The following CPED1 variants were observed in gnomAD, a reference collection of about 807,000 sequenced individuals.
The protein encoded by CPED1 is cadherin-like and PC-esterase domain-containing protein 1.
Under a neutral mutation model 128.2 loss-of-function variants are expected in CPED1, and 114 were observed. The ratio of observed to expected loss-of-function variants is 0.89; its 90% CI spans 0.76 to 1.04. The LOEUF (loss-of-function observed/expected upper bound fraction) is 1.04, where lower values mean the gene tolerates loss of function less well. Among genes scored for constraint, CPED1 ranks in the 50% least tolerant of loss-of-function variants. CPED1 has a pLI of 0.00. For synonymous variants in CPED1, 462 were observed against 426.7 expected (o/e 1.08, Z -1.02); for missense variants, 1,211 against 1,207.1 (o/e 1.00, Z -0.05).
At chr7:121,006,665 C>A (rs1397459218) in intron 2 of CPED1, among the ~76,000 whole-genome samples, 6 of 152,044 alleles carry the variant, frequency 3.9e-5, no homozygotes, top group Non-Finnish European at 7.4e-5. Flanking sequence ...CAAGTTCTAT[C>A]TTATTTTCAA....
Position 121,054,107 on chromosome 7 carries a change from C to T in CPED1, c.540+7114C>T, listed in dbSNP as rs116887493. On this transcript the variant is annotated intron_variant, in intron 4 of 22. Transcript: ENST00000310396. ...ATATTTAAAAACAAAGATCTGGGTA[C>T]TAGGTGTGCCCATTGCTACTAGGGT... Among the ~76,000 whole-genome samples, 12 of 152,312 alleles carry T rather than the reference C, an allele frequency of 7.9e-5. No individual in the cohort carries two copies. In the East Asian group the frequency reaches 2.3e-3, roughly 29 times the overall value.
intron 2 of CPED1, among the ~76,000 whole-genome samples, chr7:121,012,846 T>G (rs1047935320): frequency 2.0e-5 from 3 of 152,224 alleles, no homozygotes; most frequent in African/African-American, 7.2e-5. Context: ...TAATTAAACT[T>G]TATTTAGAAT....
intron 5 of CPED1, among the ~76,000 whole-genome samples, chr7:121,070,914 A>G (rs190811025): frequency 1.4e-3 from 218 of 152,270 alleles, no homozygotes; most frequent in African/African-American, 4.8e-3. Context: ...GGACTGAAAC[A>G]GTACAGCCTA....
intron 14 of CPED1, among the ~76,000 whole-genome samples, chr7:121,137,851 A>T (rs1440881530): frequency 6.6e-6 from 1 of 151,998 alleles, no homozygotes; most frequent in African/African-American, 2.4e-5. Flanking sequence ...TTGAGGGTCC[A>T]CTCTGTGCCA....
chr7:121,225,341 C>A (rs1797980232), intron 16 of CPED1, among the ~76,000 whole-genome samples: 1 of 152,164 alleles, frequency 6.6e-6, no homozygotes, highest in African/African-American at 2.4e-5. Context: ...GCCGAGAGAT[C>A]CACTGTTAGT....
At chr7:121,173,331 T>A (rs1433821273) in intron 16 of CPED1, among the ~76,000 whole-genome samples, 1 of 152,134 alleles carries the variant, frequency 6.6e-6, no homozygotes, top group Non-Finnish European at 1.5e-5. Flanking sequence ...GGATTTGTTA[T>A]ACAGATTATT....
At chr7:121,272,966 C>T (rs1300302475) in intron 22 of CPED1, among the ~76,000 whole-genome samples, 1 of 152,064 alleles carries the variant, frequency 6.6e-6, no homozygotes, top group Admixed American at 6.6e-5. Flanking sequence ...GGATTTTGTC[C>T]ATACTTTTGA....
intron 18 of CPED1, among the ~76,000 whole-genome samples, chr7:121,253,075 A>G (rs543652954): frequency 3.9e-5 from 6 of 152,202 alleles, no homozygotes; most frequent in Non-Finnish European, 7.4e-5. Context: ...ATGTCCAACA[A>G]TGATAGACTG....
chr7:121,011,151 A>C (rs567931908), intron 2 of CPED1, among the ~76,000 whole-genome samples: 4 of 152,256 alleles, frequency 2.6e-5, no homozygotes, highest in East Asian at 1.9e-4. Flanking sequence ...GAACATCAAA[A>C]GATGTCATAA....
chr7:121,049,671 G>T (rs1020489021), intron 4 of CPED1, among the ~76,000 whole-genome samples: 1 of 152,214 alleles, frequency 6.6e-6, no homozygotes, highest in African/African-American at 2.4e-5. Context: ...CTAACTGGGT[G>T]TCATGCTGCA....
chr7:121,068,451 T>A (rs1263075686), intron 5 of CPED1, among the ~76,000 whole-genome samples: 1 of 151,936 alleles, frequency 6.6e-6, no homozygotes, highest in Non-Finnish European at 1.5e-5. Flanking sequence ...TTCTGAGGGC[T>A]CTGTTCTGTT....
intron 22 of CPED1, among the ~76,000 whole-genome samples, chr7:121,282,422 T>A (rs1392937837): frequency 6.6e-6 from 1 of 152,160 alleles, no homozygotes. Context: ...AGGACCCAAA[T>A]GGGCACATTT....
In CPED1 at chr7:121,086,263, T is replaced by C. The variant is rs114734136; in HGVS notation, c.617-11436T>C. On this transcript the variant is annotated intron_variant, in intron 5 of 22. Transcript: ENST00000310396. Reference sequence around the variant, plus strand: ...CAAAGATACCACCCACAAAATGATATCTAAATTTTTCCAATTACGTGATTT... The same window carrying C: ...CAAAGATACCACCCACAAAATGATACCTAAATTTTTCCAATTACGTGATTT... Among the ~76,000 whole-genome samples, 275 of 152,316 alleles carry C rather than the reference T, an allele frequency of 1.8e-3. 1 individual carries two copies. The highest frequency in any genetic ancestry group is 6.2e-3 in the African/African-American group (257 of 41,564).
chr7:121,134,454 G>A (rs1344934392), intron 13 of CPED1, among the ~76,000 whole-genome samples: 1 of 152,032 alleles, frequency 6.6e-6, no homozygotes, highest in African/African-American at 2.4e-5. Flanking sequence ...AGAGGCCAGG[G>A]AGGGTAGGAA....
chr7:121,022,594 G>A (rs1341320214), intron 3 of CPED1, among the ~76,000 whole-genome samples: 4 of 151,826 alleles, frequency 2.6e-5, no homozygotes, highest in Admixed American at 6.6e-5. Context: ...AAGCAGAAAT[G>A]CCAGGTCAGG....
chr7:121,237,278 C>G (rs1447739090), intron 17 of CPED1, among the ~76,000 whole-genome samples: 1 of 152,124 alleles, frequency 6.6e-6, no homozygotes, highest in African/African-American at 2.4e-5. Context: ...TATACTAATT[C>G]ATTTGGCACC....
rs145771284 is a variant in CPED1, at chr7:121,276,311, T to C, written c.2868+4881T>C. ...CTTTTGCTTATCTTTCTCCAGCCCT[T>C]TCACGACCCTTAACCAGCCAGTTAC... is the stretch of plus-strand genomic sequence containing the variant. On this transcript the variant is annotated intron_variant, in intron 22 of 22. Transcript: ENST00000310396. 9.6e-4 allele frequency among the ~76,000 whole-genome samples: 146 copies of C among 152,232 alleles called. 1 individual carries two copies. The highest frequency in any genetic ancestry group is 3.4e-3 in the African/African-American group (140 of 41,570).
At chr7:121,208,009 A>G (rs769011491) in intron 16 of CPED1, among the ~76,000 whole-genome samples, 5 of 151,886 alleles carry the variant, frequency 3.3e-5, no homozygotes, top group Non-Finnish European at 5.9e-5. Flanking sequence ...AACAATTACA[A>G]TAGCCTCCTA....
chr7:121,006,489 A>G (rs1792019144), intron 2 of CPED1, among the ~76,000 whole-genome samples: 1 of 152,080 alleles, frequency 6.6e-6, no homozygotes, highest in Non-Finnish European at 1.5e-5. Flanking sequence ...GAAAGACAGG[A>G]CAGGGATAGG....
Sources: allele counts gnomAD v4.1 joint callset (sites outside exome capture counted in the v4.1 genomes callset), GRCh38; gene constraint gnomAD v4.1.1; transcripts MANE v1.5; gene names NCBI Gene and HGNC (gene_info 2026-07-23, HGNC 2026-07-21).